The following CRAMP1 variants were observed in gnomAD, a reference collection of about 807,000 sequenced individuals.
CRAMP1 encodes protein cramped-like.
Under a neutral mutation model 115.4 loss-of-function variants are expected in CRAMP1, and 50 were observed. That is an observed-to-expected ratio of 0.43 (90% CI 0.35 to 0.55). The LOEUF (loss-of-function observed/expected upper bound fraction) is 0.55, where lower values mean the gene tolerates loss of function less well. Among genes scored for constraint, CRAMP1 ranks in the 20% least tolerant of loss-of-function variants. CRAMP1 has a pLI of 0.01. For synonymous variants in CRAMP1, 866 were observed against 745.4 expected (o/e 1.16, Z -2.64); for missense variants, 1,679 against 1,721.7 (o/e 0.98, Z 0.44).
intron 4 of CRAMP1, among the ~76,000 whole-genome samples, chr16:1,634,029 A>T (rs546913249): frequency 3.7e-4 from 56 of 151,612 alleles, no homozygotes; most frequent in African/African-American, 1.2e-3. Context: ...TCCGTCTCAA[A>T]AAAAAAAAAA....
rs73499767 is a variant in CRAMP1, at chr16:1,633,040, T to A, written c.694+675T>A. Among the ~76,000 whole-genome samples the A allele has an allele frequency of 4.5e-3, 685 of 152,318 alleles. 8 individuals carry two copies. The highest frequency in any genetic ancestry group is 0.016 in the African/African-American group (648 of 41,576). On this transcript the variant is annotated intron_variant, in intron 4 of 20. Coordinates refer to ENST00000397412, the MANE Select transcript of CRAMP1 (RefSeq NM_020825.4). ...TCATTCCTGTAGCTTCACACACAGC[T>A]TGGTCCTTCCAGATGTACCCCCAGA...
chr16:1,628,843 T>C (rs1367438859), intron 3 of CRAMP1, among the ~76,000 whole-genome samples: 1 of 152,244 alleles, frequency 6.6e-6, no homozygotes, highest in Non-Finnish European at 1.5e-5. Flanking sequence ...TGGTCACTCC[T>C]GATCATGGGC....
At chr16:1,617,751 C>G (rs932635271) in intron 2 of CRAMP1, among the ~76,000 whole-genome samples, 5 of 152,180 alleles carry the variant, frequency 3.3e-5, no homozygotes, top group African/African-American at 1.2e-4. Flanking sequence ...AGTGTGTTTT[C>G]TTTCTCTGAA....
chr16:1,643,809 C>G (rs2036652576), intron 6 of CRAMP1, among the ~76,000 whole-genome samples: 1 of 152,240 alleles, frequency 6.6e-6, no homozygotes, highest in Non-Finnish European at 1.5e-5. Flanking sequence ...CTCCTCCAGG[C>G]CGCGTGTTGG....
chr16:1,662,073 C>T (rs953599240), intron 11 of CRAMP1, among the ~76,000 whole-genome samples: 5 of 152,228 alleles, frequency 3.3e-5, no homozygotes, highest in Non-Finnish European at 5.9e-5. Flanking sequence ...TGCTATTGTG[C>T]ACGGCTGAGT....
intron 20 of CRAMP1, 130 bp downstream of exon 20, chr16:1,670,939 C>A: frequency 1.2e-6 from 1 of 807,716 alleles, no homozygotes; most frequent in Non-Finnish European, 1.9e-6. Context: ...GACAGCACGT[C>A]CACACTCAGG....
chr16:1,652,605 G>C, intron 7 of CRAMP1, 24 bp downstream of exon 7: 1 of 1,545,540 alleles, frequency 6.5e-7, no homozygotes, highest in Non-Finnish European at 8.8e-7. Context: ...GCGCTCCCGG[G>C]ACCAGAGGCG....
chr16:1,616,446 C>T (rs1331132469), intron 2 of CRAMP1, among the ~76,000 whole-genome samples: 3 of 152,184 alleles, frequency 2.0e-5, no homozygotes, highest in African/African-American at 4.8e-5. Flanking sequence ...TACTTCACCC[C>T]GTTGAAGTGC....
intron 2 of CRAMP1, among the ~76,000 whole-genome samples, chr16:1,625,110 A>T (rs552268408): frequency 1.1e-4 from 16 of 152,146 alleles, no homozygotes; most frequent in Non-Finnish European, 2.1e-4. Context: ...TAAAAAGAGA[A>T]CCCTGGTTAT....
At chr16:1,655,096 G>C in intron 8 of CRAMP1, 123 bp from the exon 9 acceptor site, 1 of 773,948 alleles carries the variant, frequency 1.3e-6, no homozygotes, top group Non-Finnish European at 2.2e-6. Flanking sequence ...CCGCTCCCGG[G>C]TGCCTCTCCA....
chr16:1,637,996 C>T (rs1284454730), intron 5 of CRAMP1, 89 bp downstream of exon 5: 1 of 591,932 alleles, frequency 1.7e-6, no homozygotes, highest in Non-Finnish European at 2.7e-6. Context: ...TCTAGTTTCC[C>T]TCTAACTTTT....
chr16:1,650,014 G>T (rs1458573095), intron 6 of CRAMP1, among the ~76,000 whole-genome samples: 1 of 151,900 alleles, frequency 6.6e-6, no homozygotes, highest in African/African-American at 2.4e-5. Context: ...GGCTGGTCTC[G>T]AACTCCTGAC....
At chr16:1,654,544 G>A (rs1181424477) in intron 8 of CRAMP1, among the ~76,000 whole-genome samples, 1 of 152,172 alleles carries the variant, frequency 6.6e-6, no homozygotes. Context: ...CAGTTCAGGG[G>A]CATTTAACAC....
chr16:1,622,348 A>T (rs2036472025), intron 2 of CRAMP1, among the ~76,000 whole-genome samples: 1 of 152,188 alleles, frequency 6.6e-6, no homozygotes, highest in South Asian at 2.1e-4. Flanking sequence ...CCCCGTCTCT[A>T]CTAAAGTACA....
intron 3 of CRAMP1, among the ~76,000 whole-genome samples, chr16:1,628,971 T>G (rs1318960183): frequency 6.6e-6 from 1 of 152,220 alleles, no homozygotes; most frequent in East Asian, 1.9e-4. Context: ...CCGTCCAGAC[T>G]TCTCCCTCTG....
At chr16:1,655,756 G>A (rs575415830) in intron 9 of CRAMP1, 121 bp from the exon 10 acceptor site, 1 of 1,131,060 alleles carries the variant, frequency 8.8e-7, no homozygotes, top group South Asian at 1.5e-5. Flanking sequence ...CACGGGTGGT[G>A]GCATGATTTA....
intron 10 of CRAMP1, among the ~76,000 whole-genome samples, chr16:1,657,884 ACTGGGCAGGAG>A (rs1211475072): frequency 6.6e-6 from 1 of 152,130 alleles, no homozygotes; most frequent in Non-Finnish European, 1.5e-5. Context: ...CAAAGGATGG[ACTGGGCAGGAG>A]CTGCAGGTCA....
chr16:1,642,871 G>A (rs751522664), intron 6 of CRAMP1, among the ~76,000 whole-genome samples: 4 of 152,252 alleles, frequency 2.6e-5, no homozygotes, highest in Admixed American at 6.5e-5. Context: ...TGGCCTGTCC[G>A]ATGAGCGTTC....
chr16:1,612,911 C>T (rs567373856), intron 1 of CRAMP1, among the ~76,000 whole-genome samples: 3 of 152,150 alleles, frequency 2.0e-5, no homozygotes, highest in African/African-American at 7.2e-5. Flanking sequence ...GAGGCCATCC[C>T]CCTGCTTGTT....
Sources: allele counts gnomAD v4.1 joint callset (sites outside exome capture counted in the v4.1 genomes callset), GRCh38; gene constraint gnomAD v4.1.1; transcripts MANE v1.5; gene names NCBI Gene and HGNC (gene_info 2026-07-23, HGNC 2026-07-21).